FAM20C: variants seen among roughly 807,000 people sequenced by gnomAD.
The protein encoded by FAM20C is extracellular serine/threonine protein kinase FAM20C.
Under a neutral mutation model 51.5 loss-of-function variants are expected in FAM20C, and 40 were observed. The observed-to-expected ratio is 0.78, with a 90% confidence interval of 0.60 to 1.01. The LOEUF is 1.01. Ranked by LOEUF, FAM20C falls within the 50% of genes least tolerant of loss-of-function variation. The pLI, the probability that FAM20C is intolerant of heterozygous loss-of-function variation, is 0.00. For synonymous variants in FAM20C, 406 were observed against 380.6 expected, an observed-to-expected ratio of 1.07 and a Z score of -0.78; for missense variants, 861 against 844.7, an observed-to-expected ratio of 1.02 and a Z score of -0.24.
chr7:214,824 G>A (rs34339036), intron 3 of FAM20C, among the ~76,000 whole-genome samples: 52,673 of 152,124 alleles, frequency 0.35, 10,643 homozygotes, highest in Non-Finnish European at 0.44. Context: ...TCCATCTTGC[G>A]TCTTGGAAAG....
intron 3 of FAM20C, among the ~76,000 whole-genome samples, chr7:209,548 G>C (rs1191867863): frequency 4.2e-5 from 6 of 143,922 alleles, no homozygotes; most frequent in Admixed American, 4.0e-4. Context: ...GGATAAAATA[G>C]AAACTGTGTC....
chr7:234,749 CCTT>C lies in FAM20C; in HGVS notation c.864-11663_864-11661del, dbSNP rs1350089479. On this transcript the variant is annotated intron_variant, in intron 3 of 9. Coordinates refer to ENST00000313766, the MANE Select transcript of FAM20C (RefSeq NM_020223.4). The stretch of plus-strand genomic sequence containing the variant: ...CCTGTCCTTCCCGCTCTGAGGCTGT[CCTT>C]CTGGCAGAGTCACGTGGAAGGTTTG... 1.1e-3 allele frequency among the ~76,000 whole-genome samples: 175 copies of C among 152,298 alleles called. 1 individual carries two copies. The highest frequency in any genetic ancestry group is 4.0e-3 in the African/African-American group (168 of 41,544).
At chr7:232,350 C>T (rs1287238212) in intron 3 of FAM20C, among the ~76,000 whole-genome samples, 1 of 152,228 alleles carries the variant, frequency 6.6e-6, no homozygotes, top group Non-Finnish European at 1.5e-5. Flanking sequence ...TCTCAGACCC[C>T]GTCCAGGGAC....
chr7:198,204 G>A (rs1038945042), intron 2 of FAM20C, among the ~76,000 whole-genome samples: 1 of 152,218 alleles, frequency 6.6e-6, no homozygotes, highest in Non-Finnish European at 1.5e-5. Flanking sequence ...GGGCCTGCAA[G>A]GACGATGGGC....
At chr7:254,541 C>T (rs1044691308) in intron 5 of FAM20C, among the ~76,000 whole-genome samples, 36 of 152,364 alleles carry the variant, frequency 2.4e-4, no homozygotes, top group African/African-American at 7.7e-4. Context: ...AGCAGTGAAC[C>T]CGCACTGCTA....
intron 2 of FAM20C, 29 bp from the exon 3 acceptor site, chr7:208,869 G>A: frequency 1.3e-6 from 2 of 1,552,828 alleles, no homozygotes; most frequent in Non-Finnish European, 1.7e-6. Context: ...GCCAGAGAGT[G>A]ACCCTGTTTC....
At chr7:211,005 G>A (rs28519529) in intron 3 of FAM20C, among the ~76,000 whole-genome samples, 66,468 of 151,654 alleles carry the variant, frequency 0.44, 14,840 homozygotes, top group South Asian at 0.55. Context: ...TTACCGCTGC[G>A]TAAAGACGAG....
chr7:255,225 G>A (rs1305402819), intron 5 of FAM20C, among the ~76,000 whole-genome samples: 4 of 152,172 alleles, frequency 2.6e-5, no homozygotes, highest in East Asian at 1.9e-4. Flanking sequence ...CAGAGGTGGC[G>A]GTTCCCCCGT....
intron 3 of FAM20C, among the ~76,000 whole-genome samples, chr7:235,991 TG>T (rs1467817526): frequency 7.9e-5 from 12 of 152,324 alleles, no homozygotes; most frequent in African/African-American, 2.9e-4. Flanking sequence ...CCCTGACTCC[TG>T]GAAAAGGAGA....
chr7:258,158 A>ACCCACTGCCTGAGGTGCTGGAGATG (rs1788695466), intron 8 of FAM20C, among the ~76,000 whole-genome samples: 1 of 25,024 alleles, frequency 4.0e-5, no homozygotes, highest in African/African-American at 2.0e-4. Flanking sequence ...TGCTGGAGAT[A>ACCCACTGCCTGAGGTGCTGGAGATG]GGCAGGGTGG....
intron 3 of FAM20C, among the ~76,000 whole-genome samples, chr7:211,887 G>A (rs548537795): frequency 2.0e-5 from 3 of 152,338 alleles, no homozygotes; most frequent in South Asian, 2.1e-4. Flanking sequence ...GCGGGCGGGC[G>A]TGTGCGAACC....
At chr7:254,292 G>C (rs184531731) in intron 5 of FAM20C, among the ~76,000 whole-genome samples, 11 of 152,330 alleles carry the variant, frequency 7.2e-5, no homozygotes, top group Admixed American at 3.3e-4. Context: ...CCCACGGGGA[G>C]CCTGCCCTGC....
In FAM20C at chr7:260,435, C is replaced by A. The variant is rs1562403861; in HGVS notation, c.*455C>A. 6.5e-6 allele frequency: 1 copy of A among 153,406 alleles called. No individual in the cohort carries two copies. Among genetic ancestry groups the A allele is most frequent in the African/African-American group, 2.4e-5 (1 of 41,524 alleles). The allele number at this position is 153,406 out of a possible 1,614,324, so 9.5% of individuals were successfully genotyped here. A position where few individuals can be genotyped will look rare whatever the true frequency, so the allele number is the denominator to read the frequency against. Reference sequence around the variant, plus strand: ...CTCGGGACCTAATTCAAGTAAAAACCCTTTCTCCTTCCTGGGGCCTCGGCT... The same window carrying A: ...CTCGGGACCTAATTCAAGTAAAAACACTTTCTCCTTCCTGGGGCCTCGGCT... On this transcript the variant is annotated 3_prime_UTR_variant, in exon 10 of 10. Coordinates refer to ENST00000313766, the MANE Select transcript of FAM20C (RefSeq NM_020223.4).
In FAM20C at chr7:195,613, C is replaced by G; in HGVS notation, c.665C>G (p.Ser222Cys). 4 of 1,609,608 alleles carry G rather than the reference C, an allele frequency of 2.5e-6. No individual in the cohort carries two copies. Among genetic ancestry groups the G allele is most frequent in the Non-Finnish European group, 3.4e-6 (4 of 1,178,000 alleles). ...TCCCCCGGGGAGGCGGCCGTGGACT[C>G]CTATCCCAACTGGCTCAAGTTCCAC... is the stretch of plus-strand genomic sequence containing the variant. ...FLSPGEAAVD[S>C]YPNWLKFHIG... is the part of the protein sequence containing the mutation. Residue 222 changes from serine to cysteine, a missense_variant, in exon 2 of 10, where the codon TCC becomes TGC. Ser to Cys is a moderately radical substitution (Grantham distance 112). Coordinates refer to ENST00000313766, the MANE Select transcript of FAM20C (RefSeq NM_020223.4).
chr7:226,927 G>A (rs973548600), intron 3 of FAM20C, among the ~76,000 whole-genome samples: 1 of 152,178 alleles, frequency 6.6e-6, no homozygotes, highest in Non-Finnish European at 1.5e-5. Flanking sequence ...TCTGGGCCCT[G>A]CACCCACTTT....
chr7:259,698 C>T, intron 9 of FAM20C, 33 bp from the exon 10 acceptor site: 6 of 1,515,596 alleles, frequency 4.0e-6, no homozygotes, highest in African/African-American at 1.4e-5. Context: ...CTCCCCTGTC[C>T]CGTGCCAGGC....
chr7:249,805 A>G (rs920340398), intron 5 of FAM20C, among the ~76,000 whole-genome samples: 3 of 152,100 alleles, frequency 2.0e-5, no homozygotes, highest in African/African-American at 7.2e-5. Context: ...CTCCTCTCCA[A>G]GCGCCTCTCT....
In FAM20C at chr7:193,209, A is replaced by G; in HGVS notation, c.10A>G (p.Met4Val). Residue 4 changes from methionine to valine, a missense_variant, in exon 1 of 10, where the codon ATG becomes GTG. Around this residue, in one of 3 missense-constraint regions of FAM20C, gnomAD observed 561 missense variants for 499.8 expected, o/e 1.12. Coordinates refer to ENST00000313766, the MANE Select transcript of FAM20C (RefSeq NM_020223.4). Reference sequence around the variant, plus strand: ...GCCGGCCCGCGCGGCCATGAAGATGATGCTGGTGCGCCGGTTCCGCGTGCT... The same window carrying G: ...GCCGGCCCGCGCGGCCATGAAGATGGTGCTGGTGCGCCGGTTCCGCGTGCT... MKM[M>V]LVRRFRVLIL... The G allele has an allele frequency of 6.9e-7, 1 of 1,458,860 alleles. No homozygotes were observed. Among genetic ancestry groups the G allele is most frequent in the Non-Finnish European group, 9.1e-7 (1 of 1,099,862 alleles). The allele number at this position is 1,458,860 out of a possible 1,614,324, so 90.4% of individuals were successfully genotyped here.
At chr7:202,040 G>A (rs549298268) in intron 2 of FAM20C, among the ~76,000 whole-genome samples, 6 of 152,240 alleles carry the variant, frequency 3.9e-5, no homozygotes, top group Non-Finnish European at 2.9e-5. Flanking sequence ...ATTCTTCAGC[G>A]AGGCCGGGGA....
Sources: gnomAD v4.1 joint callset for allele counts (sites outside exome capture counted in the v4.1 genomes callset) on GRCh38, gnomAD v4.1.1 for gene constraint, gnomAD v4.1.1 regional missense constraint, MANE v1.5 for transcripts, NCBI Gene and HGNC (gene_info 2026-07-23, HGNC 2026-07-21) for gene names.